Variants in KIAA1217 observed in about 807,000 individuals in gnomAD.
The protein encoded by KIAA1217 is sickle tail protein homolog.
KIAA1217 carries 88 observed loss-of-function variants against 163.9 expected under a neutral mutation model. That is an observed-to-expected ratio of 0.54 (90% CI 0.45 to 0.64). The LOEUF (loss-of-function observed/expected upper bound fraction) is 0.64, where lower values mean the gene tolerates loss of function less well. KIAA1217 is among the 30% of genes least tolerant of loss of function. The probability of loss-of-function intolerance (pLI) is 0.00; values close to 1 mark genes in which losing one functional copy is unlikely to be tolerated. For synonymous variants in KIAA1217, 903 were observed against 923.1 expected (o/e 0.98, Z 0.39); for missense variants, 2,372 against 2,475.0 (o/e 0.96, Z 0.88).
chr10:24,143,559 G>C (rs150603825), intron 2 of KIAA1217, among the ~76,000 whole-genome samples: 2 of 152,146 alleles, frequency 1.3e-5, no homozygotes, highest in African/African-American at 4.8e-5. Flanking sequence ...TACCAGGCCC[G>C]ACCTAGTATC....
intron 2 of KIAA1217, among the ~76,000 whole-genome samples, chr10:24,309,542 C>T (rs1490217023): frequency 6.6e-6 from 1 of 152,124 alleles, no homozygotes; most frequent in South Asian, 2.1e-4. Flanking sequence ...GAACCCTCTG[C>T]GTCATACCCT....
chr10:24,415,316 T>G (rs2058150833), intron 3 of KIAA1217, among the ~76,000 whole-genome samples: 1 of 151,926 alleles, frequency 6.6e-6, no homozygotes, highest in Non-Finnish European at 1.5e-5. Context: ...GATTTCACCT[T>G]GTTGGCCAGG....
At chr10:24,084,307 G>T (rs565435219) in intron 2 of KIAA1217, among the ~76,000 whole-genome samples, 1 of 152,156 alleles carries the variant, frequency 6.6e-6, no homozygotes, top group Non-Finnish European at 1.5e-5. Context: ...TAAGCCCCAC[G>T]TGGGCAAGGA....
At position 24,473,543 on chromosome 10, in the gene KIAA1217, A is replaced by G. The variant is rs1199216261; in HGVS notation, c.1162A>G (p.Arg388Gly). Residue 388 changes from arginine to glycine, a missense_variant, in exon 6 of 21, where the codon AGA becomes GGA. Coordinates refer to ENST00000376454, the MANE Select transcript of KIAA1217 (RefSeq NM_019590.5). ...DMSGKNIAMY[R>G]NEGFYADPYL... is the part of the protein sequence containing the mutation. ...GAGTGGCAAAAACATTGCAATGTAC[A>G]GAAATGAGGGTTTCTATGCTGATCC... 7.4e-6 allele frequency: 12 copies of G among 1,613,942 alleles called. No individual in the cohort carries two copies. Among genetic ancestry groups the G allele is most frequent in the African/African-American group, 1.3e-5 (1 of 74,930 alleles).
At chr10:23,962,299 G>A (rs1462691647) in intron 1 of KIAA1217, among the ~76,000 whole-genome samples, 15 of 152,198 alleles carry the variant, frequency 9.9e-5, no homozygotes, top group Non-Finnish European at 2.2e-4. Flanking sequence ...CTATAAAATA[G>A]GGGTATATGA....
rs1243415719 is a variant in KIAA1217 at position 24,230,319 on chromosome 10, A to C, written c.354+10410A>C. On this transcript the variant is annotated intron_variant, in intron 2 of 20. Coordinates refer to ENST00000376454, the MANE Select transcript of KIAA1217 (RefSeq NM_019590.5). The stretch of plus-strand genomic sequence containing the variant: ...TGCATTATATACTTACTGGTTGAGC[A>C]TCTCTAATTTGAAAATCTGAAATCC... 2.0e-5 allele frequency among the ~76,000 whole-genome samples: 3 copies of C among 152,092 alleles called. No individual in the cohort carries two copies. In the South Asian group the frequency reaches 6.2e-4, roughly 32 times the overall value.
intron 1 of KIAA1217, among the ~76,000 whole-genome samples, chr10:23,710,017 C>A (rs1249835739): frequency 2.0e-5 from 3 of 152,186 alleles, no homozygotes; most frequent in African/African-American, 7.2e-5. Flanking sequence ...AAGGTAGGAA[C>A]TGTGTGTTAC....
rs555278597 is a variant in KIAA1217 at position 24,485,571 on chromosome 10, T to C, written c.1680-8929T>C. Among the ~76,000 whole-genome samples the C allele has an allele frequency of 3.9e-5, 6 of 152,298 alleles. No individual in the cohort carries two copies. The South Asian group carries it at 1.2e-3, about 32-fold the overall frequency. On this transcript the variant is annotated intron_variant, in intron 6 of 20. Transcript: ENST00000376454. Reference sequence around the variant, plus strand: ...CCCGCAGTCTCCCGTGCCCCAGATGTAAGTTCCATGAGGGCAAGCCCTGTG... The same window carrying C: ...CCCGCAGTCTCCCGTGCCCCAGATGCAAGTTCCATGAGGGCAAGCCCTGTG...
In KIAA1217 at chr10:24,081,907, T is replaced by G. The variant is rs116889952; in HGVS notation, c.-171+74533T>G. 1.6e-3 allele frequency among the ~76,000 whole-genome samples: 247 copies of G among 152,306 alleles called. 3 individuals are homozygous for G. In the East Asian group the frequency reaches 0.029, roughly 18 times the overall value. ...GCTACTTACATTCTAGTGTCCCTTG[T>G]TGTAGAAGCTGCACCCTTACCCACC... On this transcript the variant is annotated intron_variant, in intron 2 of 18. Transcript: ENST00000376462.
At chr10:24,159,808 T>C (rs1434681073) in intron 2 of KIAA1217, among the ~76,000 whole-genome samples, 1 of 152,186 alleles carries the variant, frequency 6.6e-6, no homozygotes, top group African/African-American at 2.4e-5. Context: ...TTTGAAGTTT[T>C]AGGTTTTACA....
intron 1 of KIAA1217, among the ~76,000 whole-genome samples, chr10:23,835,872 C>T (rs1838421982): frequency 6.6e-6 from 1 of 151,976 alleles, no homozygotes; most frequent in Non-Finnish European, 1.5e-5. Context: ...CCCTCTGTTC[C>T]TCCTAGTTTT....
chr10:23,705,008 T>C (rs1210075105), intron 1 of KIAA1217, among the ~76,000 whole-genome samples: 1 of 152,114 alleles, frequency 6.6e-6, no homozygotes, highest in East Asian at 1.9e-4. Flanking sequence ...TTTGAAATGG[T>C]ATCTTGTGGT....
At chr10:24,222,796 C>A (rs946317442) in intron 2 of KIAA1217, among the ~76,000 whole-genome samples, 2 of 152,054 alleles carry the variant, frequency 1.3e-5, no homozygotes, top group African/African-American at 4.8e-5. Context: ...AGGTGTGAGC[C>A]CCCATGCTGA....
At chr10:23,873,440 A>G (rs745836427) in intron 1 of KIAA1217, among the ~76,000 whole-genome samples, 1 of 152,092 alleles carries the variant, frequency 6.6e-6, no homozygotes, top group Non-Finnish European at 1.5e-5. Flanking sequence ...CAGATGAAGC[A>G]TTACTCTGTG....
chr10:24,039,784 TGATATAGATATAGATA>T (rs1054500796), intron 2 of KIAA1217, among the ~76,000 whole-genome samples: 6 of 146,632 alleles, frequency 4.1e-5, no homozygotes, highest in African/African-American at 1.5e-4. Context: ...CTTATTGGCA[TGATATAGATATAGATA>T]GATATAGATA....
At chr10:23,910,225 T>A (rs1842370740) in intron 1 of KIAA1217, among the ~76,000 whole-genome samples, 1 of 151,612 alleles carries the variant, frequency 6.6e-6, no homozygotes, top group African/African-American at 2.4e-5. Flanking sequence ...TGCAACAAAC[T>A]ACCGTGGCAC....
intron 3 of KIAA1217, among the ~76,000 whole-genome samples, chr10:24,389,739 A>C (rs1187398167): frequency 6.6e-6 from 1 of 152,194 alleles, no homozygotes; most frequent in African/African-American, 2.4e-5. Context: ...GCTGGAAAGC[A>C]GATTCTTTCT....
At chr10:24,475,630 A>G (rs1409042880) in intron 6 of KIAA1217, among the ~76,000 whole-genome samples, 1 of 152,240 alleles carries the variant, frequency 6.6e-6, no homozygotes. Flanking sequence ...GGATTGGAAA[A>G]TAGTATTCAT....
At chr10:23,880,768 AAAC>A (rs1431520022) in intron 1 of KIAA1217, among the ~76,000 whole-genome samples, 1 of 151,784 alleles carries the variant, frequency 6.6e-6, no homozygotes. Flanking sequence ...TAAAAGAAGA[AAAC>A]AACAACAACA....
Sources: allele counts gnomAD v4.1 joint callset (sites outside exome capture counted in the v4.1 genomes callset), GRCh38; gene constraint gnomAD v4.1.1; transcripts MANE v1.5; gene names NCBI Gene and HGNC (gene_info 2026-07-23, HGNC 2026-07-21).